DTNA: variants seen among roughly 807,000 people sequenced by gnomAD.
The protein encoded by DTNA is dystrophin-related protein 3.
DTNA carries 43 observed loss-of-function variants against 100.7 expected under a neutral mutation model. The ratio of observed to expected loss-of-function variants is 0.43; its 90% CI spans 0.33 to 0.55. The LOEUF is 0.55. Ranked by LOEUF, DTNA falls within the 20% of genes least tolerant of loss-of-function variation. DTNA has a pLI of 0.04. For missense variants in DTNA, 798 were observed against 953.9 expected (o/e 0.84, Z 2.15); for synonymous variants, 349 against 347.9 (o/e 1.00, Z -0.04).
chr18:34,680,695 A>G (rs1452070331), intron 1 of DTNA, among the ~76,000 whole-genome samples: 1 of 152,210 alleles, frequency 6.6e-6, no homozygotes, highest in African/African-American at 2.4e-5. Flanking sequence ...ATTTATTTAC[A>G]AGATGTGTGT....
In DTNA at chr18:34,821,128, C is replaced by T. The variant is rs1420881487; in HGVS notation, c.1001+213C>T. 4 of 699,154 alleles carry T rather than the reference C, an allele frequency of 5.7e-6. No individual in the cohort carries two copies. In the South Asian group the frequency reaches 6.0e-5, roughly 10 times the overall value. 43.3% of individuals were successfully genotyped at this position (699,154 alleles called of 1,614,324 possible). A position where few individuals can be genotyped will look rare whatever the true frequency, so the allele number is the denominator to read the frequency against. On this transcript the variant is annotated intron_variant, in intron 9 of 22. Coordinates refer to ENST00000444659, the MANE Select transcript of DTNA (RefSeq NM_001386795.1). ...GGACAAGTAAAGTATGCAACACTAA[C>T]ATAATTCACCTGGAGGTGGAAAATA...
chr18:34,579,681 C>T (rs1294157439), intron 1 of DTNA, among the ~76,000 whole-genome samples: 5 of 152,122 alleles, frequency 3.3e-5, no homozygotes, highest in Non-Finnish European at 5.9e-5. Flanking sequence ...ATGTCTTTTT[C>T]CTCTGGCTGC....
intron 1 of DTNA, among the ~76,000 whole-genome samples, chr18:34,548,112 G>A (rs938260813): frequency 3.9e-5 from 6 of 152,144 alleles, no homozygotes; most frequent in Admixed American, 3.9e-4. Context: ...TTCTTGGGTA[G>A]TTAGAGACTT....
At chr18:34,706,353 T>C (rs2082116908), upstream of DTNA, among the ~76,000 whole-genome samples, 1 of 152,222 alleles carries the variant, frequency 6.6e-6, no homozygotes, top group South Asian at 2.1e-4. Context: ...GTTTTCTGTA[T>C]TTTTCAACTT....
At chr18:34,601,874 T>C (rs993561658) in intron 1 of DTNA, among the ~76,000 whole-genome samples, 1 of 152,218 alleles carries the variant, frequency 6.6e-6, no homozygotes, top group African/African-American at 2.4e-5. Flanking sequence ...GGAGACTCCG[T>C]TGGGGCAATT....
rs549888101 is a variant in DTNA at position 34,720,269 on chromosome 18, T to A, written c.-2+9824T>A. 5.3e-5 allele frequency among the ~76,000 whole-genome samples: 8 copies of A among 152,304 alleles called. No homozygotes were observed. The East Asian group carries it at 1.5e-3, about 29-fold the overall frequency. ...ATGTGGGCTGGTAGGGGTGGGTTGATTGTCATCCTCTGTACAAAAAGAATT... is the reference window on the plus strand; with the variant it reads ...ATGTGGGCTGGTAGGGGTGGGTTGAATGTCATCCTCTGTACAAAAAGAATT... On this transcript the variant is annotated intron_variant, in intron 1 of 22. Transcript: ENST00000444659.
chr18:34,548,286 G>A (rs2045022588), intron 1 of DTNA, among the ~76,000 whole-genome samples: 2 of 152,056 alleles, frequency 1.3e-5, no homozygotes, highest in African/African-American at 4.8e-5. Flanking sequence ...CTATACTCTG[G>A]TAATTCACAC....
chr18:34,814,738 A>G (rs2095559411), intron 6 of DTNA, among the ~76,000 whole-genome samples: 1 of 151,982 alleles, frequency 6.6e-6, no homozygotes, highest in African/African-American at 2.4e-5. Context: ...TTCAAGAATT[A>G]TATGTGATGT....
intron 1 of DTNA, among the ~76,000 whole-genome samples, chr18:34,632,133 C>G (rs893444751): frequency 7.2e-5 from 11 of 152,150 alleles, no homozygotes; most frequent in African/African-American, 2.6e-4. Context: ...AGAATTTAAT[C>G]CATTTGTAAT....
intron 1 of DTNA, among the ~76,000 whole-genome samples, chr18:34,592,900 T>C (rs1157882045): frequency 6.6e-6 from 1 of 152,214 alleles, no homozygotes; most frequent in Non-Finnish European, 1.5e-5. Context: ...AAAAAAAATT[T>C]ACTATTTGTA....
chr18:34,603,714 A>G (rs1159448809), intron 1 of DTNA, among the ~76,000 whole-genome samples: 4 of 152,188 alleles, frequency 2.6e-5, no homozygotes, highest in Non-Finnish European at 5.9e-5. Flanking sequence ...CATTTTACCT[A>G]TTTCATTCAA....
chr18:34,668,755 C>T (rs1334915566), intron 1 of DTNA, among the ~76,000 whole-genome samples: 1 of 152,010 alleles, frequency 6.6e-6, no homozygotes, highest in Non-Finnish European at 1.5e-5. Context: ...TTTCTTAATC[C>T]TGAGTTCTAG....
intron 9 of DTNA, among the ~76,000 whole-genome samples, chr18:34,824,414 T>C (rs780476261): frequency 1.4e-4 from 21 of 151,236 alleles, no homozygotes; most frequent in Admixed American, 6.6e-4. Flanking sequence ...AGGCGGAGGT[T>C]GCAGTGAGCC....
At chr18:34,791,868 C>A (rs2094759933) in intron 3 of DTNA, among the ~76,000 whole-genome samples, 1 of 152,112 alleles carries the variant, frequency 6.6e-6, no homozygotes, top group Non-Finnish European at 1.5e-5. Context: ...TTTAGGAATG[C>A]CAGCCCCATT....
chr18:34,510,446 C>T (rs1029449808), intron 1 of DTNA, among the ~76,000 whole-genome samples: 5 of 151,748 alleles, frequency 3.3e-5, no homozygotes, highest in African/African-American at 1.2e-4. Context: ...TCACCAAGGC[C>T]GTGACAAGAC....
intron 3 of DTNA, among the ~76,000 whole-genome samples, chr18:34,782,331 CTA>C (rs1405465762): frequency 1.3e-5 from 2 of 152,054 alleles, no homozygotes; most frequent in East Asian, 3.9e-4. Flanking sequence ...AGCCATGGAC[CTA>C]TGTTTCAAAA....
intron 1 of DTNA, among the ~76,000 whole-genome samples, chr18:34,561,439 T>C (rs1335808907): frequency 6.6e-6 from 1 of 152,194 alleles, no homozygotes; most frequent in African/African-American, 2.4e-5. Flanking sequence ...TTTGAAGTAC[T>C]GGTGAAATAA....
intron 13 of DTNA, among the ~76,000 whole-genome samples, chr18:34,845,727 A>C (rs1389871400): frequency 6.6e-6 from 1 of 152,214 alleles, no homozygotes; most frequent in Non-Finnish European, 1.5e-5. Flanking sequence ...TAAAGAATTT[A>C]GTTATTATTT....
At chr18:34,569,167 A>G (rs1201292826) in intron 1 of DTNA, among the ~76,000 whole-genome samples, 2 of 152,266 alleles carry the variant, frequency 1.3e-5, no homozygotes, top group East Asian at 3.9e-4. Flanking sequence ...ATGTTCATGA[A>G]TGTACACACC....
Sources: allele counts gnomAD v4.1 joint callset (sites outside exome capture counted in the v4.1 genomes callset), GRCh38; gene constraint gnomAD v4.1.1; transcripts MANE v1.5; gene names NCBI Gene and HGNC (gene_info 2026-07-23, HGNC 2026-07-21).